SUMF1: variants seen among roughly 807,000 people sequenced by gnomAD.
The protein encoded by SUMF1 is sulfatase modifying factor 1.
In SUMF1, 48 loss-of-function variants were observed where a neutral mutation model predicts 47.6. That is an observed-to-expected ratio of 1.01 (90% CI 0.80 to 1.28). SUMF1 has a LOEUF of 1.28. SUMF1 is among the 50% of genes most tolerant of loss of function. The pLI, the probability that SUMF1 is intolerant of heterozygous loss-of-function variation, is 0.00. For missense variants in SUMF1, 571 were observed against 485.4 expected (o/e 1.18, Z -1.66); for synonymous variants, 230 against 192.1 (o/e 1.20, Z -1.63).
At chr3:4,464,204 A>G (rs2079882051) in intron 1 of SUMF1, among the ~76,000 whole-genome samples, 1 of 152,168 alleles carries the variant, frequency 6.6e-6, no homozygotes, top group Non-Finnish European at 1.5e-5. Flanking sequence ...TCCTTCTTGG[A>G]ATGTCCTTGA....
chr3:4,347,105 C>T (rs1225110207), intron 8 of SUMF1, among the ~76,000 whole-genome samples: 1 of 152,176 alleles, frequency 6.6e-6, no homozygotes, highest in Non-Finnish European at 1.5e-5. Flanking sequence ...ACCAGAAATA[C>T]AAAGAGGAGC....
chr3:4,347,498 A>C (rs367996304), intron 8 of SUMF1, among the ~76,000 whole-genome samples: 8 of 152,310 alleles, frequency 5.3e-5, no homozygotes, highest in African/African-American at 1.7e-4. Flanking sequence ...CATGTTAAAA[A>C]CTCTCAATAA....
At chr3:4,402,762 T>A (rs1026534230) in intron 7 of SUMF1, among the ~76,000 whole-genome samples, 1 of 152,194 alleles carries the variant, frequency 6.6e-6, no homozygotes, top group Non-Finnish European at 1.5e-5. Context: ...AGAGTTGAGA[T>A]AGGCATTGCA....
chr3:4,435,041 T>A (rs1000776169), intron 3 of SUMF1, among the ~76,000 whole-genome samples: 1 of 152,158 alleles, frequency 6.6e-6, no homozygotes, highest in East Asian at 1.9e-4. Context: ...GATTCTTATG[T>A]CTCAGCCTCC....
chr3:4,129,846 C>A (rs9990386), intron 8 of SUMF1, among the ~76,000 whole-genome samples: 4 of 151,992 alleles, frequency 2.6e-5, no homozygotes, highest in Non-Finnish European at 5.9e-5. Flanking sequence ...TACACTGGGT[C>A]CAGTGGGTCC....
chr3:4,243,596 G>A (rs571353689), intron 8 of SUMF1, among the ~76,000 whole-genome samples: 2 of 152,266 alleles, frequency 1.3e-5, no homozygotes, highest in African/African-American at 4.8e-5. Flanking sequence ...TTAATTCTGA[G>A]TTCTAGTTTG....
intron 8 of SUMF1, chr3:4,068,852 A>G (rs1009564295): frequency 3.5e-5 from 8 of 228,144 alleles, no homozygotes; most frequent in African/African-American, 1.8e-4. Context: ...GAACTTACAG[A>G]ACTTAATTCT....
chr3:4,303,826 G>C (rs921061921), intron 8 of SUMF1: 31 of 1,362,304 alleles, frequency 2.3e-5, no homozygotes, highest in African/African-American at 2.9e-5. Flanking sequence ...GAGGCATCAC[G>C]GGGGGAGTCA....
chr3:4,151,098 A>G (rs1328394259), intron 8 of SUMF1, among the ~76,000 whole-genome samples: 1 of 151,360 alleles, frequency 6.6e-6, no homozygotes, highest in East Asian at 1.9e-4. Flanking sequence ...TGTTCTCAAG[A>G]AACAGTGTAG....
At position 4,394,423 on chromosome 3, in the gene SUMF1, G is replaced by A. The variant is rs1336126018; in HGVS notation, c.954+16442C>T. Among the ~76,000 whole-genome samples the A allele has an allele frequency of 3.9e-5, 6 of 152,218 alleles. No homozygotes were observed. The East Asian group carries it at 1.2e-3, about 29-fold the overall frequency. On this transcript the variant is annotated intron_variant, in intron 7 of 8. Transcript: ENST00000272902. ...TCTGCCCATCTCGCTCTCCCAAAGTGTTGGGATTATAGGCATGAGCCACAG... is the reference window on the plus strand; with the variant it reads ...TCTGCCCATCTCGCTCTCCCAAAGTATTGGGATTATAGGCATGAGCCACAG...
chr3:4,306,088 C>T (rs1278362719), intron 8 of SUMF1, among the ~76,000 whole-genome samples: 2 of 152,162 alleles, frequency 1.3e-5, no homozygotes, highest in Admixed American at 1.3e-4. Context: ...GAAAAACGCA[C>T]TCTACCCTCA....
rs187676661 is a variant in SUMF1 at position 4,238,723 on chromosome 3, T to G, written c.1014+137607A>C. Among the ~76,000 whole-genome samples the G allele has an allele frequency of 1.3e-3, 193 of 152,358 alleles. 4 individuals carry two copies. The East Asian group carries it at 0.034, about 26-fold the overall frequency. On this transcript the variant is annotated intron_variant and NMD_transcript_variant, in intron 8 of 12. Coordinates refer to the SUMF1 transcript ENST00000448413. ...CAAAAATTTTCTCCCATTCTGTAGGTTGCCTGTTCACTCTGATGGTAGTTT... is the reference window on the plus strand; with the variant it reads ...CAAAAATTTTCTCCCATTCTGTAGGGTGCCTGTTCACTCTGATGGTAGTTT...
At chr3:4,367,272 G>C (rs957163837) in intron 8 of SUMF1, among the ~76,000 whole-genome samples, 1 of 152,210 alleles carries the variant, frequency 6.6e-6, no homozygotes, top group Non-Finnish European at 1.5e-5. Flanking sequence ...GGACATTTAA[G>C]TCTGCAGAGG....
At chr3:4,197,697 A>G (rs897830930) in intron 8 of SUMF1, among the ~76,000 whole-genome samples, 2 of 152,030 alleles carry the variant, frequency 1.3e-5, no homozygotes, top group African/African-American at 2.4e-5. Flanking sequence ...AAATGCCTAT[A>G]AAAGATACTC....
intron 9 of SUMF1, among the ~76,000 whole-genome samples, chr3:4,050,455 A>T (rs1489343147): frequency 1.3e-5 from 2 of 152,042 alleles, no homozygotes; most frequent in African/African-American, 2.4e-5. Flanking sequence ...GAAAATTGTC[A>T]TGATGGCCAG....
At chr3:4,246,841 T>C (rs1696683323) in intron 8 of SUMF1, among the ~76,000 whole-genome samples, 1 of 152,178 alleles carries the variant, frequency 6.6e-6, no homozygotes, top group South Asian at 2.1e-4. Context: ...TAAGGGCAAA[T>C]ACAACAGTAA....
intron 8 of SUMF1, among the ~76,000 whole-genome samples, chr3:4,210,091 C>T (rs770676887): frequency 1.3e-5 from 2 of 152,146 alleles, no homozygotes; most frequent in South Asian, 4.2e-4. Flanking sequence ...GACAAGGTTT[C>T]ACCATGTTAG....
At chr3:4,059,228 C>G (rs1176001019) in intron 9 of SUMF1, among the ~76,000 whole-genome samples, 1 of 152,082 alleles carries the variant, frequency 6.6e-6, no homozygotes, top group African/African-American at 2.4e-5. Flanking sequence ...TACTATCTGT[C>G]CCACTACTAC....
chr3:4,088,771 T>C (rs1236624443), intron 8 of SUMF1, among the ~76,000 whole-genome samples: 2 of 152,100 alleles, frequency 1.3e-5, no homozygotes, highest in African/African-American at 2.4e-5. Context: ...GAATTTAAGA[T>C]GCACACGTCT....
Sources: gnomAD v4.1 joint callset for allele counts (sites outside exome capture counted in the v4.1 genomes callset) on GRCh38, gnomAD v4.1.1 for gene constraint, MANE v1.5 for transcripts, NCBI Gene and HGNC (gene_info 2026-07-23, HGNC 2026-07-21) for gene names.